The following KNL1 variants were observed in gnomAD, a reference collection of about 807,000 sequenced individuals.
KNL1 encodes the protein kinetochore scaffold 1.
KNL1 carries 66 observed loss-of-function variants against 201.3 expected under a neutral mutation model. The observed-to-expected ratio is 0.33, with a 90% CI of 0.27 to 0.40. The LOEUF (loss-of-function observed/expected upper bound fraction) is 0.40. Among genes scored for constraint, KNL1 ranks in the 10% least tolerant of loss-of-function variants. The pLI is 1.00. For synonymous variants in KNL1, 895 were observed against 899.2 expected (o/e 1.00, Z 0.08); for missense variants, 2,815 against 2,690.5 (o/e 1.05, Z -1.02).
chr15:40,602,988 A>G, intron 2 of KNL1, 22 bp downstream of exon 2: 1 of 1,498,124 alleles, frequency 6.7e-7, no homozygotes, highest in Non-Finnish European at 9.3e-7. Context: ...TAATGCAGCT[A>G]AAAATATTAT....
chr15:40,610,683 C>A (rs1485927328), intron 6 of KNL1: 7 of 451,444 alleles, frequency 1.6e-5, no homozygotes, highest in Middle Eastern at 6.7e-4. Context: ...GAGCAAGACT[C>A]TGTCTCAAAA....
At position 40,624,603 on chromosome 15, in the gene KNL1, A is replaced by G. The variant is rs16970911; in HGVS notation, c.4339A>G (p.Thr1447Ala). Residue 1447 changes from threonine (T) to alanine (A), a missense_variant, in exon 10 of 26, where the codon ACC (threonine) becomes GCC (alanine). Physicochemically the swap from Thr to Ala is moderately conservative, Grantham distance 58. Around this residue, in one of 3 missense-constraint regions of KNL1, gnomAD observed 2,464 missense variants for 2,291.7 expected, o/e 1.08. Transcript: ENST00000399668. ...IYVIPQPHFS[T>A]DQPPLPKKGQ... ...TGTTATTCCTCAGCCTCATTTCTCAACCGACCAACCTCCATTACCTAAAAA... is the reference window on the plus strand; with the variant it reads ...TGTTATTCCTCAGCCTCATTTCTCAGCCGACCAACCTCCATTACCTAAAAA... 0.078 allele frequency: 125,556 copies of G among 1,613,708 alleles called. 5,439 individuals are homozygous for G. The highest frequency in any genetic ancestry group is 0.085 in the Non-Finnish European group (100,772 of 1,179,686).
chr15:40,633,267 C>T (rs1892965830), intron 13 of KNL1, among the ~76,000 whole-genome samples: 2 of 149,684 alleles, frequency 1.3e-5, no homozygotes, highest in South Asian at 4.2e-4. Context: ...GCTGAGGTCA[C>T]GCCACTGCGC....
intron 2 of KNL1, among the ~76,000 whole-genome samples, chr15:40,604,582 C>T (rs1028339944): frequency 5.9e-5 from 9 of 152,266 alleles, no homozygotes; most frequent in African/African-American, 2.2e-4. Context: ...TTTGTACAAT[C>T]GGGTTTTCAG....
rs1309530752 is a variant in KNL1, at chr15:40,640,897, A to C, written c.5683-15A>C. ...GCAAGATACCAGTTCTCAGGGACTG[A>C]ATTTTTTTTTCCAGTTTACTGTAAA... is the stretch of plus-strand genomic sequence containing the variant. On this transcript the variant is annotated splice_polypyrimidine_tract_variant and intron_variant, in intron 13 of 25. Coordinates refer to ENST00000399668, the MANE Select transcript of KNL1 (RefSeq NM_144508.5). 6.6e-7 allele frequency: 1 copy of C among 1,517,416 alleles called. No homozygotes were observed. The highest frequency in any genetic ancestry group is 1.7e-5 in the Admixed American group (1 of 58,522). The allele number at this position is 1,517,416 out of a possible 1,614,324, so 94.0% of individuals were successfully genotyped here. A position where few individuals can be genotyped will look rare whatever the true frequency, so the allele number is the denominator to read the frequency against.
chr15:40,629,431 A>G (rs1365261095), intron 13 of KNL1, 60 bp downstream of exon 13: 1 of 1,221,256 alleles, frequency 8.2e-7, no homozygotes, highest in Non-Finnish European at 1.2e-6. Context: ...TAAAAGCACA[A>G]AAAGAATGGA....
In KNL1 at chr15:40,611,490, G is replaced by T. The variant is rs1248695612; in HGVS notation, c.263G>T (p.Gly88Val). The change falls in exon 7 of 26, where the codon GGA (glycine) becomes GTA (valine). Residue 88 changes from glycine (G) to valine (V), a missense_variant. By Grantham distance (109) the Gly-to-Val change is moderately radical (BLOSUM62 -3). This residue lies in a region of KNL1 where 2,464 missense variants were observed against 2,291.7 expected (regional missense o/e 1.08). Coordinates refer to ENST00000399668, the MANE Select transcript of KNL1 (RefSeq NM_144508.5). ...RKSEMEETET[G>V]ENLLLIQNKK... Reference sequence around the variant, plus strand: ...ATTTTATTTTTAGAAACAGAAACAGGAGAAAATCTTCTTTTGATACAGTAA... The same window carrying T: ...ATTTTATTTTTAGAAACAGAAACAGTAGAAAATCTTCTTTTGATACAGTAA... 3 of 229,888 alleles carry T rather than the reference G, an allele frequency of 1.3e-5. No homozygotes were observed. The highest frequency in any genetic ancestry group is 2.0e-4 in the South Asian group (2 of 10,056). The allele number at this position is 229,888 out of a possible 1,614,324, so 14.2% of individuals were successfully genotyped here.
Position 40,629,328 on chromosome 15 carries a change from A to T in KNL1, c.5639A>T (p.His1880Leu). 1 of 1,605,766 alleles carries T rather than the reference A, an allele frequency of 6.2e-7. No homozygotes were observed. Among genetic ancestry groups the T allele is most frequent in the Non-Finnish European group, 8.5e-7 (1 of 1,178,292 alleles). Residue 1880 changes from histidine to leucine, a missense_variant, in exon 13 of 26, where the codon CAC becomes CTC. By Grantham distance (99) the His-to-Leu change is moderately conservative (BLOSUM62 -3). Coordinates refer to ENST00000399668, the MANE Select transcript of KNL1 (RefSeq NM_144508.5). ...GAGTTCTTTATACTTCTCCAGGTCC[A>T]CATCTTGATACAGAAACCCCGACAG... Reference protein sequence around the residue: ...IREFFILLQVHILIQKPRQSN... With the variant: ...IREFFILLQVLILIQKPRQSN...
intron 1 of KNL1, 53 bp from the exon 2 acceptor site, chr15:40,602,862 G>C (rs116578977): frequency 1.0e-6 from 1 of 958,330 alleles, no homozygotes; most frequent in Non-Finnish European, 1.7e-6. Flanking sequence ...TTCTTAGACT[G>C]TAGTTGCTCT....
rs1290636279 is a variant in KNL1, at chr15:40,624,220, C to T, written c.3956C>T (p.Ala1319Val). 1.2e-6 allele frequency: 2 copies of T among 1,613,842 alleles called. No homozygotes were observed. The highest frequency in any genetic ancestry group is 1.7e-6 in the Non-Finnish European group (2 of 1,179,860). Residue 1319 changes from alanine to valine, a missense_variant, in exon 10 of 26, where the codon GCC becomes GTC. Physicochemically the swap from Ala to Val is moderately conservative, Grantham distance 64. Coordinates refer to ENST00000399668, the MANE Select transcript of KNL1 (RefSeq NM_144508.5). ...ISCTDNLEGS[A>V]MLLCDKDEEK... ...TGTACTGATAATTTGGAGGGTAGTG[C>T]CATGCTCTTATGTGATAAAGATGAG...
At position 40,621,654 on chromosome 15, in the gene KNL1, T is replaced by C; in HGVS notation, c.1390T>C (p.Cys464Arg). 6.2e-7 allele frequency: 1 copy of C among 1,612,924 alleles called. No homozygotes were observed. The highest frequency in any genetic ancestry group is 1.1e-5 in the South Asian group (1 of 91,004). Residue 464 changes from cysteine to arginine, a missense_variant, in exon 10 of 26, where the codon TGC becomes CGC. Cys to Arg is a radical substitution (Grantham distance 180, BLOSUM62 -3). Coordinates refer to ENST00000399668, the MANE Select transcript of KNL1 (RefSeq NM_144508.5). ...TGACAGTAATTATGCTAAAATGTAT[T>C]GCAATCCAGATGCTATGTCTTCTCT... ...KHDSNYAKMYCNPDAMSSLTE... is the reference protein window; with the variant it reads ...KHDSNYAKMYRNPDAMSSLTE...
At chr15:40,612,311 G>A (rs1443286406) in intron 7 of KNL1, among the ~76,000 whole-genome samples, 5 of 151,582 alleles carry the variant, frequency 3.3e-5, no homozygotes, top group Admixed American at 1.3e-4. Context: ...GCGAGACTCC[G>A]TCTCAAAAAA....
chr15:40,622,705 A>G lies in KNL1; in HGVS notation c.2441A>G (p.Glu814Gly). Residue 814 changes from glutamate to glycine, a missense_variant, in exon 10 of 26, where the codon GAA becomes GGA. By Grantham distance (98) the Glu-to-Gly change is moderately conservative (BLOSUM62 -2). This residue lies in a region of KNL1 where 2,464 missense variants were observed against 2,291.7 expected (regional missense o/e 1.08). Transcript: ENST00000399668. ...GAAAAATGTGGTAAAAGTCCCATAGAAAAAAGTGGAGTGCTTAAATCTAAC... is the reference window on the plus strand; with the variant it reads ...GAAAAATGTGGTAAAAGTCCCATAGGAAAAAGTGGAGTGCTTAAATCTAAC... ...KVEKCGKSPI[E>G]KSGVLKSNCI... is the part of the protein sequence containing the mutation. 1 of 1,590,818 alleles carries G rather than the reference A, an allele frequency of 6.3e-7. No homozygotes were observed. Among genetic ancestry groups the G allele is most frequent in the East Asian group, 2.2e-5 (1 of 44,804 alleles).
intron 1 of KNL1, among the ~76,000 whole-genome samples, chr15:40,595,081 A>G (rs911670323): frequency 6.6e-6 from 1 of 152,246 alleles, no homozygotes; most frequent in Admixed American, 6.5e-5. Context: ...GATAGGTTTA[A>G]TAGGCATTAA....
rs753241410 is a variant in KNL1, at chr15:40,623,555, T to C, written c.3291T>C (p.Asp1097=). The change falls in exon 10 of 26, where the codon GAT becomes GAC. Residue 1097 remains aspartate (D), a synonymous_variant. Transcript: ENST00000399668. ...CCCAGAGTTGTATGGTGGAAATAGA[T>C]AACGAAAGTGCCCTGGAGGATAAAG... The part of the protein sequence containing the change: ...DITQSCMVEI[D]NESALEDKED... The C allele has an allele frequency of 8.1e-6, 13 of 1,613,578 alleles. No individual in the cohort carries two copies. Among genetic ancestry groups the C allele is most frequent in the Non-Finnish European group, 1.1e-5 (13 of 1,179,936 alleles).
intron 24 of KNL1, among the ~76,000 whole-genome samples, chr15:40,658,891 C>T (rs1472209610): frequency 6.7e-6 from 1 of 148,482 alleles, no homozygotes; most frequent in African/African-American, 2.5e-5. Context: ...GATTACTCCA[C>T]TGCACTCCAG....
In KNL1 at chr15:40,662,483, G is replaced by A. The variant is rs1026646200; in HGVS notation, c.*295G>A. ...ACTAGTGCTTTCTGCTTTAGTACAA[G>A]CCCTAAGGATTAACTTAAGTATAAG... is the stretch of plus-strand genomic sequence containing the variant. On this transcript the variant is annotated 3_prime_UTR_variant, in exon 26 of 26. Coordinates refer to ENST00000399668, the MANE Select transcript of KNL1 (RefSeq NM_144508.5). 3.6e-6 allele frequency: 1 copy of A among 278,094 alleles called. No individual in the cohort carries two copies. 17.2% of individuals were successfully genotyped at this position (278,094 alleles called of 1,614,324 possible). A position where few individuals can be genotyped will look rare whatever the true frequency, so the allele number is the denominator to read the frequency against.
At position 40,620,737 on chromosome 15, in the gene KNL1, C is replaced by A; in HGVS notation, c.473C>A (p.Thr158Asn). Residue 158 changes from threonine (T) to asparagine (N), a missense_variant, in exon 10 of 26, where the codon ACT (threonine) becomes AAT (asparagine). This residue lies in a region of KNL1 where 2,464 missense variants were observed against 2,291.7 expected (regional missense o/e 1.08). Coordinates refer to ENST00000399668, the MANE Select transcript of KNL1 (RefSeq NM_144508.5). ...ENQMDLTSSH[T>N]VMITKGLLDN... ...CAGATGGACCTGACATCAAGTCACA[C>A]TGTAATGATTACCAAAGGCCTTTTA... is the stretch of plus-strand genomic sequence containing the variant. The A allele has an allele frequency of 6.2e-7, 1 of 1,612,384 alleles. No homozygotes were observed. Among genetic ancestry groups the A allele is most frequent in the Non-Finnish European group, 8.5e-7 (1 of 1,179,152 alleles).
chr15:40,622,424 T>C lies in KNL1; in HGVS notation c.2160T>C (p.His720=), dbSNP rs780022929. Residue 720 remains histidine, a synonymous_variant, in exon 10 of 26, where the codon CAT becomes CAC. Transcript: ENST00000399668. ...ATCATGATACTGCTATAAGTAGTCA[T>C]ACAGTGAAATCTGTACTAGGCCAGA... The part of the protein sequence containing the change: ...MKNHDTAISS[H]TVKSVLGQNS... 5.6e-6 allele frequency: 9 copies of C among 1,613,746 alleles called. No homozygotes were observed. The highest frequency in any genetic ancestry group is 4.4e-5 in the South Asian group (4 of 91,068).
Sources: gnomAD v4.1 joint callset for allele counts (sites outside exome capture counted in the v4.1 genomes callset) on GRCh38, gnomAD v4.1.1 for gene constraint, gnomAD v4.1.1 regional missense constraint, MANE v1.5 for transcripts, NCBI Gene and HGNC (gene_info 2026-07-23, HGNC 2026-07-21) for gene names.